The following SYTL2 variants were observed in gnomAD, a reference collection of about 807,000 sequenced individuals.
SYTL2 encodes synaptotagmin-like protein 2.
In SYTL2, 165 loss-of-function variants were observed where a neutral mutation model predicts 198.7. That is an observed-to-expected ratio of 0.83 (90% CI 0.73 to 0.94). The LOEUF (loss-of-function observed/expected upper bound fraction) is 0.94, where lower values mean the gene tolerates loss of function less well. SYTL2 is among the 40% of genes least tolerant of loss of function. The pLI, the probability that SYTL2 is intolerant of heterozygous loss-of-function variation, is 0.00. For missense variants in SYTL2, 2,835 were observed against 2,582.8 expected, an observed-to-expected ratio of 1.10 and a Z score of -2.12; for synonymous variants, 966 against 917.7, an observed-to-expected ratio of 1.05 and a Z score of -0.95.
At chr11:85,708,204 CTGTT>C (rs2085557225) in intron 14 of SYTL2, 1 of 401,466 alleles carries the variant, frequency 2.5e-6, no homozygotes, top group South Asian at 1.8e-5. Flanking sequence ...GAGCTTAAAT[CTGTT>C]TGTTCCCCTA....
rs1591860123 is a variant in SYTL2 at position 85,745,626 on chromosome 11, C to T, written c.389+11G>A. 1.9e-6 allele frequency: 3 copies of T among 1,610,674 alleles called. No individual in the cohort carries two copies. Among genetic ancestry groups the T allele is most frequent in the Non-Finnish European group, 2.5e-6 (3 of 1,177,518 alleles). On this transcript the variant is annotated intron_variant, in intron 4 of 19. Coordinates refer to ENST00000359152, the MANE Select transcript of SYTL2 (RefSeq NM_206927.4). The stretch of plus-strand genomic sequence containing the variant: ...CACATGCAGCAGCTCTCCCCAGAAG[C>T]TTTGCCTTACCTCGGGCTTGCTGGT...
At position 85,714,422 on chromosome 11, in the gene SYTL2, G is replaced by C; in HGVS notation, c.5616C>G (p.Leu1872=). ...KRMSKSVPAF[L]QDESDDRETD... ...CAAAAGACAAACTTGCCTCATCTTG[G>C]AGAAATGCTGGAACAGACTTGCTCA... The change falls in exon 12 of 20, where the codon CTC becomes CTG. Residue 1872 remains leucine, a synonymous_variant. Transcript: ENST00000359152. 1 of 1,612,922 alleles carries C rather than the reference G, an allele frequency of 6.2e-7. No homozygotes were observed. The highest frequency in any genetic ancestry group is 8.5e-7 in the Non-Finnish European group (1 of 1,179,012).
intron 3 of SYTL2, among the ~76,000 whole-genome samples, chr11:85,747,561 C>G (rs1414637628): frequency 1.3e-5 from 2 of 152,030 alleles, no homozygotes; most frequent in South Asian, 2.1e-4. Flanking sequence ...TTGACTTTCA[C>G]TTTTAAATGT....
chr11:85,761,799 C>T (rs934110143), intron 1 of SYTL2, among the ~76,000 whole-genome samples: 10 of 152,202 alleles, frequency 6.6e-5, no homozygotes, highest in African/African-American at 2.4e-4. Context: ...GCTGGGATTA[C>T]AGGCGCCCAC....
the SYTL2 span, among the ~76,000 whole-genome samples, chr11:85,828,937 C>G: frequency 6.6e-6 from 1 of 152,160 alleles, no homozygotes; most frequent in African/African-American, 2.4e-5. Context: ...TGTGCAGTAG[C>G]TCTCAAACTA....
chr11:85,815,531 G>A (rs149697826), upstream of SYTL2, among the ~76,000 whole-genome samples: 1 of 152,300 alleles, frequency 6.6e-6, no homozygotes, highest in Admixed American at 6.5e-5. Context: ...CTTTAATAAT[G>A]CCTTGAACTT....
At chr11:85,733,916 T>C (rs557882178) in intron 7 of SYTL2, 23 bp downstream of exon 7, 16 of 1,607,298 alleles carry the variant, frequency 1.0e-5, no homozygotes, top group Non-Finnish European at 1.3e-5. Context: ...GTTTTTATAA[T>C]CTAGTAGTGA....
chr11:85,757,842 G>T lies in SYTL2; in HGVS notation c.-117C>A. ...ACACAAAAATGAAATATCTTGTTCA[G>T]TTCTGCATCAAAGTCTTATTTTGGC... On this transcript the variant is annotated 5_prime_UTR_variant, in exon 2 of 20. In the 5' UTR this introduces an upstream ATG that the reference lacks. Transcript: ENST00000359152. 5 of 1,460,818 alleles carry T rather than the reference G, an allele frequency of 3.4e-6. No individual in the cohort carries two copies. The highest frequency in any genetic ancestry group is 4.6e-6 in the Non-Finnish European group (5 of 1,079,424). The allele number at this position is 1,460,818 out of a possible 1,614,324, so 90.5% of individuals were successfully genotyped here. A position where few individuals can be genotyped will look rare whatever the true frequency, so the allele number is the denominator to read the frequency against.
rs770651746 is a variant in SYTL2 at position 85,726,932 on chromosome 11, G to T, written c.2426C>A (p.Thr809Asn). 3.0e-5 allele frequency: 46 copies of T among 1,536,430 alleles called. No individual in the cohort carries two copies. The South Asian group carries it at 5.4e-4, about 18-fold the overall frequency. ...WEGEKAGAKITHEKPTSSCSQ... is the reference protein window; with the variant it reads ...WEGEKAGAKINHEKPTSSCSQ... ...ACATGAAGATGTGGGTTTTTCATGA[G>T]TTATCTTAGCACCAGCTTTCTCTCC... Residue 809 changes from threonine to asparagine, a missense_variant, in exon 8 of 20, where the codon ACT becomes AAT. By Grantham distance (65) the Thr-to-Asn change is moderately conservative. Transcript: ENST00000359152.
chr11:85,716,504 T>C (rs945580879), intron 11 of SYTL2: 1 of 152,206 alleles, frequency 6.6e-6, no homozygotes, highest in African/African-American at 2.4e-5. Flanking sequence ...CATCAGCACA[T>C]TGGTTTTCTA....
chr11:85,845,495 G>A, the SYTL2 span, among the ~76,000 whole-genome samples: 2 of 152,200 alleles, frequency 1.3e-5, no homozygotes, highest in Non-Finnish European at 2.9e-5. Flanking sequence ...GGGTGCAGTG[G>A]CTCATGCCTG....
intron 1 of SYTL2, among the ~76,000 whole-genome samples, chr11:85,789,340 GTATATATATATA>G (rs56956411): frequency 0.18 from 11,200 of 62,438 alleles, 1,007 homozygotes; most frequent in Middle Eastern, 0.2. Flanking sequence ...GTGTGTGTGT[GTATATATATATA>G]TATATATATA....
At chr11:85,719,933 T>C (rs1418848092) in intron 9 of SYTL2, among the ~76,000 whole-genome samples, 1 of 152,208 alleles carries the variant, frequency 6.6e-6, no homozygotes, top group African/African-American at 2.4e-5. Context: ...AGTTTGGCAG[T>C]GGTTAACTTT....
intron 1 of SYTL2, among the ~76,000 whole-genome samples, chr11:85,775,966 G>T (rs1383001032): frequency 6.6e-6 from 1 of 152,202 alleles, no homozygotes; most frequent in Non-Finnish European, 1.5e-5. Flanking sequence ...CCCAATGATG[G>T]AGGTACGGCC....
chr11:85,800,150 T>G (rs1046075444), intron 1 of SYTL2, among the ~76,000 whole-genome samples: 30 of 152,116 alleles, frequency 2.0e-4, no homozygotes, highest in African/African-American at 7.2e-4. Context: ...TGCTTTGGTC[T>G]CAAAGTAAAG....
intron 8 of SYTL2, among the ~76,000 whole-genome samples, chr11:85,723,195 G>T (rs2088611410): frequency 6.6e-6 from 1 of 152,160 alleles, no homozygotes; most frequent in Admixed American, 6.5e-5. Context: ...TTTACAGCCT[G>T]GCCGCCAAAA....
chr11:85,717,766 A>G (rs983622821), intron 10 of SYTL2: 2 of 553,120 alleles, frequency 3.6e-6, no homozygotes, highest in Non-Finnish European at 6.9e-6. Context: ...TCCTTCCTGT[A>G]ATTCACTAGA....
chr11:85,802,244 C>T (rs533740807), intron 1 of SYTL2, among the ~76,000 whole-genome samples: 5 of 143,590 alleles, frequency 3.5e-5, no homozygotes, highest in African/African-American at 1.3e-4. Flanking sequence ...TTTTGTGAGC[C>T]GGAGCCTTGC....
intron 3 of SYTL2, among the ~76,000 whole-genome samples, chr11:85,747,213 G>A (rs184229669): frequency 6.6e-6 from 1 of 152,168 alleles, no homozygotes; most frequent in Admixed American, 6.5e-5. Flanking sequence ...GCAGCACTTT[G>A]GGAGGGTGAG....
Sources: gnomAD v4.1 joint callset for allele counts (sites outside exome capture counted in the v4.1 genomes callset) on GRCh38, gnomAD v4.1.1 for gene constraint, MANE v1.5 for transcripts, NCBI Gene and HGNC (gene_info 2026-07-23, HGNC 2026-07-21) for gene names.